VGLL4: variants seen among roughly 807,000 people sequenced by gnomAD.
The protein encoded by VGLL4 is vestigial like family member 4.
VGLL4 carries 7 observed loss-of-function variants against 21.0 expected under a neutral mutation model. The observed-to-expected ratio is 0.33, with a 90% CI of 0.19 to 0.63. The LOEUF is 0.63. VGLL4 is among the 20% of genes least tolerant of loss of function. VGLL4 has a pLI of 0.78. For missense variants in VGLL4, 394 were observed against 425.7 expected, an observed-to-expected ratio of 0.93 and a Z score of 0.66; for synonymous variants, 222 against 173.2, an observed-to-expected ratio of 1.28 and a Z score of -2.21.
Position 11,625,465 on chromosome 3 carries a change from G to C in VGLL4, c.82+17972C>G, listed in dbSNP as rs376671974. Reference sequence around the variant, plus strand: ...TATATCCATATCTATAGCTCCATCTGAAATTAGACAGATTACCAAACAGAA... The same window carrying C: ...TATATCCATATCTATAGCTCCATCTCAAATTAGACAGATTACCAAACAGAA... On this transcript the variant is annotated intron_variant, in intron 1 of 4. Transcript: ENST00000430365. Among the ~76,000 whole-genome samples the C allele has an allele frequency of 9.2e-5, 14 of 152,292 alleles. No homozygotes were observed. In the South Asian group the frequency reaches 2.9e-3, roughly 32 times the overall value.
At chr3:11,687,350 A>G (rs987860546) in intron 2 of VGLL4, among the ~76,000 whole-genome samples, 28 of 152,244 alleles carry the variant, frequency 1.8e-4, no homozygotes, top group African/African-American at 6.8e-4. Flanking sequence ...AAAAGGAAAT[A>G]CATGCCATAT....
In VGLL4 at chr3:11,643,808, A is replaced by C; in HGVS notation, c.-290T>G. 9.0e-7 allele frequency: 1 copy of C among 1,115,552 alleles called. No homozygotes were observed. Among genetic ancestry groups the C allele is most frequent in the Non-Finnish European group, 1.1e-6 (1 of 912,808 alleles). The allele number at this position is 1,115,552 out of a possible 1,614,324, so 69.1% of individuals were successfully genotyped here. ...GAAGTCCTTACAAGTCCTTCCTGGA[A>C]ATGGAAAAGAGTGAAAAAGAGAAAC... On this transcript the variant is annotated 5_prime_UTR_variant, in exon 1 of 5. The change creates a new upstream start codon in the 5' untranslated region. Coordinates refer to ENST00000430365, the MANE Select transcript of VGLL4 (RefSeq NM_001128219.3).
At chr3:11,601,595 AC>A (rs1232512640) in intron 2 of VGLL4, among the ~76,000 whole-genome samples, 6 of 152,256 alleles carry the variant, frequency 3.9e-5, no homozygotes, top group African/African-American at 1.2e-4. Context: ...ATGGAGTTTA[AC>A]ATGCGGAAGG....
At chr3:11,619,913 A>G (rs374500906) in intron 1 of VGLL4, among the ~76,000 whole-genome samples, 69 of 152,254 alleles carry the variant, frequency 4.5e-4, no homozygotes, top group African/African-American at 1.6e-3. Flanking sequence ...CTTTAATACA[A>G]TGGAACAATA....
intron 2 of VGLL4, among the ~76,000 whole-genome samples, chr3:11,590,993 G>A (rs2125244443): frequency 6.6e-6 from 1 of 152,190 alleles, no homozygotes; most frequent in Non-Finnish European, 1.5e-5. Flanking sequence ...AGGACAAACT[G>A]GTTTTGTGTC....
intron 1 of VGLL4, among the ~76,000 whole-genome samples, chr3:11,616,676 G>C (rs1347360257): frequency 2.0e-5 from 3 of 152,206 alleles, no homozygotes; most frequent in Non-Finnish European, 2.9e-5. Context: ...CCTGTCTAAA[G>C]AATGTATACA....
intron 1 of VGLL4, among the ~76,000 whole-genome samples, chr3:11,602,343 CA>C (rs2074826297): frequency 6.6e-6 from 1 of 152,052 alleles, no homozygotes; most frequent in Non-Finnish European, 1.5e-5. Context: ...TTTAAAACAC[CA>C]AAGGTCTTTT....
chr3:11,634,440 CT>C (rs2075547177), intron 1 of VGLL4, among the ~76,000 whole-genome samples: 1 of 152,204 alleles, frequency 6.6e-6, no homozygotes, highest in African/African-American at 2.4e-5. Flanking sequence ...TGCCTTACCC[CT>C]ATCTCTTGCC....
chr3:11,624,055 T>G (rs1279478360), intron 1 of VGLL4, among the ~76,000 whole-genome samples: 4 of 152,188 alleles, frequency 2.6e-5, no homozygotes, highest in African/African-American at 9.7e-5. Flanking sequence ...TTTTCCTTAT[T>G]GTTTTTCATC....
intron 1 of VGLL4, among the ~76,000 whole-genome samples, chr3:11,643,188 C>T (rs1254343240): frequency 6.6e-6 from 1 of 152,196 alleles, no homozygotes; most frequent in Non-Finnish European, 1.5e-5. Context: ...GGCGCGAGTA[C>T]GTTGCAAGCA....
At chr3:11,668,131 A>G (rs2076154713) in intron 2 of VGLL4, among the ~76,000 whole-genome samples, 1 of 152,034 alleles carries the variant, frequency 6.6e-6, no homozygotes, top group Non-Finnish European at 1.5e-5. Flanking sequence ...CTGGGATTAC[A>G]GATGTGAGCC....
chr3:11,668,793 A>G lies in VGLL4; in HGVS notation c.64+34178T>C, dbSNP rs1025464274. Among the ~76,000 whole-genome samples the G allele has an allele frequency of 2.0e-5, 3 of 152,360 alleles. No homozygotes were observed. The East Asian group carries it at 5.8e-4, about 29-fold the overall frequency. ...GAACTTGGCTGACAGCCCTGCTCTC[A>G]TGGAACTTACCTTCTCAGAGGGAAA... On this transcript the variant is annotated intron_variant, in intron 2 of 5. Coordinates refer to the VGLL4 transcript ENST00000273038.
intron 1 of VGLL4, among the ~76,000 whole-genome samples, chr3:11,619,587 T>C (rs1376846901): frequency 1.3e-5 from 2 of 152,174 alleles, no homozygotes; most frequent in African/African-American, 4.8e-5. Context: ...ACTTGGTGTG[T>C]TGACGCGGAA....
Position 11,558,285 on chromosome 3 carries a change from G to T in VGLL4, c.*271C>A. ...TCGGGGCAGCAGACCTGCATCAGAG[G>T]TTTCTTTGGTAACTGAGGCAGGAAG... On this transcript the variant is annotated 3_prime_UTR_variant, in exon 5 of 5. Coordinates refer to ENST00000430365, the MANE Select transcript of VGLL4 (RefSeq NM_001128219.3). The T allele has an allele frequency of 1.8e-6, 1 of 553,496 alleles. No individual in the cohort carries two copies. The highest frequency in any genetic ancestry group is 2.7e-5 in the South Asian group (1 of 37,028). The allele number at this position is 553,496 out of a possible 1,614,324, so 34.3% of individuals were successfully genotyped here. A position where few individuals can be genotyped will look rare whatever the true frequency, so the allele number is the denominator to read the frequency against.
chr3:11,643,412 A>G, intron 1 of VGLL4, 25 bp downstream of exon 1: 1 of 1,614,014 alleles, frequency 6.2e-7, no homozygotes, highest in Non-Finnish European at 8.5e-7. Flanking sequence ...AGCAACGGGC[A>G]GTAATTCTAC....
At chr3:11,657,937 T>G (rs1368022993) in intron 2 of VGLL4, among the ~76,000 whole-genome samples, 1 of 152,164 alleles carries the variant, frequency 6.6e-6, no homozygotes, top group Non-Finnish European at 1.5e-5. Flanking sequence ...TGTTAGTTTT[T>G]CTTCTTGAGA....
intron 2 of VGLL4, among the ~76,000 whole-genome samples, chr3:11,681,002 A>T (rs1308132671): frequency 6.6e-6 from 1 of 150,748 alleles, no homozygotes; most frequent in Non-Finnish European, 1.5e-5. Context: ...TTCTCTTTCT[A>T]TGGGTCTCTG....
At chr3:11,687,896 C>G (rs538816816) in intron 2 of VGLL4, among the ~76,000 whole-genome samples, 1 of 152,290 alleles carries the variant, frequency 6.6e-6, no homozygotes, top group South Asian at 2.1e-4. Flanking sequence ...CTAACTTAAT[C>G]TGTTCCACCA....
chr3:11,699,667 G>A (rs2076652153), intron 2 of VGLL4: 1 of 152,198 alleles, frequency 6.6e-6, no homozygotes, highest in Non-Finnish European at 1.5e-5. Context: ...AGAAAAATTA[G>A]CTAGGTGTGG....
Sources: allele counts gnomAD v4.1 joint callset (sites outside exome capture counted in the v4.1 genomes callset), GRCh38; gene constraint gnomAD v4.1.1; transcripts MANE v1.5; gene names NCBI Gene and HGNC (gene_info 2026-07-23, HGNC 2026-07-21).